NOL4: variants seen among roughly 807,000 people sequenced by gnomAD.
NOL4 encodes the protein nucleolar protein 4, also known as cancer/testis antigen 125.
A neutral mutation model predicts 75.9 loss-of-function variants in NOL4; 17 were observed. That is an observed-to-expected ratio of 0.22 (90% CI 0.15 to 0.34). The LOEUF (loss-of-function observed/expected upper bound fraction) is 0.34. NOL4 is among the 10% of genes least tolerant of loss of function. The pLI is 1.00. For synonymous variants in NOL4, 292 were observed against 289.9 expected (o/e 1.01, Z -0.07); for missense variants, 614 against 793.5 (o/e 0.77, Z 2.72).
chr18:33,949,371 G>A (rs2069055002), intron 8 of NOL4, among the ~76,000 whole-genome samples: 1 of 152,062 alleles, frequency 6.6e-6, no homozygotes, highest in South Asian at 2.1e-4. Context: ...TCCAATGACT[G>A]ATCCAAGAAG....
At chr18:33,886,857 A>C (rs565263261) in intron 9 of NOL4, among the ~76,000 whole-genome samples, 1 of 142,342 alleles carries the variant, frequency 7.0e-6, no homozygotes, top group Non-Finnish European at 1.5e-5. Flanking sequence ...ATATATCTAC[A>C]TATATCTATA....
chr18:33,947,569 CTCTCTT>C (rs905413552), intron 8 of NOL4, among the ~76,000 whole-genome samples: 3 of 151,760 alleles, frequency 2.0e-5, no homozygotes, highest in Admixed American at 1.3e-4. Context: ...ATATCTATCT[CTCTCTT>C]TCTCTATCTA....
chr18:34,206,903 A>AT (rs1446923605), intron 1 of NOL4, among the ~76,000 whole-genome samples: 2 of 151,226 alleles, frequency 1.3e-5, no homozygotes, highest in African/African-American at 4.9e-5. Context: ...TTTTTTAAAT[A>AT]TTTTTTCTAC....
At chr18:33,992,713 T>C (rs905614517) in intron 6 of NOL4, among the ~76,000 whole-genome samples, 8 of 151,988 alleles carry the variant, frequency 5.3e-5, no homozygotes, top group Admixed American at 2.0e-4. Context: ...AGCCAAGTTC[T>C]AGGTAAATGT....
chr18:34,045,263 C>A (rs2076314411), intron 5 of NOL4, among the ~76,000 whole-genome samples: 1 of 152,060 alleles, frequency 6.6e-6, no homozygotes, highest in African/African-American at 2.4e-5. Context: ...AAATGAAATT[C>A]CATAGATTAT....
chr18:34,134,461 CACACACA>C, intron 1 of NOL4, among the ~76,000 whole-genome samples: 1 of 141,834 alleles, frequency 7.1e-6, no homozygotes, highest in Non-Finnish European at 1.5e-5. Flanking sequence ...CACACACACA[CACACACA>C]CACACACACA....
intron 9 of NOL4, among the ~76,000 whole-genome samples, chr18:33,939,359 A>G (rs2145523031): frequency 6.6e-6 from 1 of 152,238 alleles, no homozygotes; most frequent in South Asian, 2.1e-4. Context: ...TCTATAAATT[A>G]CTTTGGGCAG....
intron 1 of NOL4, among the ~76,000 whole-genome samples, chr18:34,135,373 T>A (rs180779754): frequency 7.9e-5 from 12 of 152,022 alleles, no homozygotes; most frequent in African/African-American, 2.2e-4. Context: ...TATAGGCCTA[T>A]CACAAGTATA....
intron 9 of NOL4, among the ~76,000 whole-genome samples, chr18:33,891,565 C>T (rs1386521856): frequency 6.6e-6 from 1 of 152,078 alleles, no homozygotes; most frequent in Admixed American, 6.6e-5. Flanking sequence ...ACTTGGGCAA[C>T]ATAAAACTTG....
chr18:34,100,610 A>G (rs994809286), intron 4 of NOL4, among the ~76,000 whole-genome samples: 6 of 152,136 alleles, frequency 3.9e-5, no homozygotes, highest in African/African-American at 1.2e-4. Context: ...CTCTCCTAAT[A>G]CCCTGGGTGC....
intron 9 of NOL4, among the ~76,000 whole-genome samples, chr18:33,905,875 C>T (rs182627458): frequency 2.0e-5 from 3 of 152,308 alleles, no homozygotes; most frequent in African/African-American, 7.2e-5. Flanking sequence ...CCTCATCAAC[C>T]CCATCCAACC....
At chr18:34,149,294 T>C (rs545390681) in intron 1 of NOL4, among the ~76,000 whole-genome samples, 1 of 151,796 alleles carries the variant, frequency 6.6e-6, no homozygotes, top group African/African-American at 2.4e-5. Context: ...ATGAGTATAT[T>C]GGAAAGAAAT....
intron 2 of NOL4, among the ~76,000 whole-genome samples, chr18:34,114,644 T>A (rs1430655887): frequency 6.6e-6 from 1 of 152,242 alleles, no homozygotes; most frequent in African/African-American, 2.4e-5. Flanking sequence ...TTACTACCAT[T>A]ATTTTAGCAA....
chr18:33,875,753 T>C (rs1000266547), intron 10 of NOL4, among the ~76,000 whole-genome samples: 5 of 152,070 alleles, frequency 3.3e-5, no homozygotes, highest in African/African-American at 4.8e-5. Flanking sequence ...TTTTTCTAAA[T>C]ATTCACTTAT....
chr18:33,953,427 A>G (rs2069393320), intron 8 of NOL4, among the ~76,000 whole-genome samples: 2 of 151,996 alleles, frequency 1.3e-5, no homozygotes, highest in African/African-American at 4.8e-5. Context: ...AGTTAGGATT[A>G]TGCAAGAGTA....
intron 1 of NOL4, among the ~76,000 whole-genome samples, chr18:34,204,477 G>GT (rs1376093631): frequency 6.6e-6 from 1 of 151,914 alleles, no homozygotes; most frequent in African/African-American, 2.4e-5. Flanking sequence ...TAAGGCTAGG[G>GT]TAACAAAGCA....
At chr18:33,903,171 A>G (rs2065840745) in intron 9 of NOL4, among the ~76,000 whole-genome samples, 1 of 152,166 alleles carries the variant, frequency 6.6e-6, no homozygotes, top group Admixed American at 6.6e-5. Context: ...AGGCCTCAGG[A>G]AACTTACAAT....
At chr18:34,192,449 A>G (rs1205872498) in intron 1 of NOL4, among the ~76,000 whole-genome samples, 1 of 152,190 alleles carries the variant, frequency 6.6e-6, no homozygotes, top group Admixed American at 6.6e-5. Flanking sequence ...ACACTACCTG[A>G]CTTCGAAATA....
chr18:33,998,382 T>C (rs2073443696), intron 6 of NOL4, among the ~76,000 whole-genome samples: 1 of 152,094 alleles, frequency 6.6e-6, no homozygotes, highest in Non-Finnish European at 1.5e-5. Flanking sequence ...TTTATCTATA[T>C]GAAATCACTC....
Sources: gnomAD v4.1 joint callset for allele counts (sites outside exome capture counted in the v4.1 genomes callset) on GRCh38, gnomAD v4.1.1 for gene constraint, MANE v1.5 for transcripts, NCBI Gene and HGNC (gene_info 2026-07-23, HGNC 2026-07-21) for gene names.